DNTT: variants seen among roughly 807,000 people sequenced by gnomAD.
The protein encoded by DNTT is DNA nucleotidylexotransferase, also known as nucleosidetriphosphate:DNA deoxynucleotidylexotransferase.
DNTT carries 47 observed loss-of-function variants against 60.9 expected under a neutral mutation model. That is an observed-to-expected ratio of 0.77 (90% CI 0.61 to 0.98). DNTT has a LOEUF of 0.98. Among genes scored for constraint, DNTT ranks in the 50% least tolerant of loss-of-function variants. The pLI, the probability that DNTT is intolerant of heterozygous loss-of-function variation, is 0.00. For synonymous variants in DNTT, 224 were observed against 221.2 expected (o/e 1.01, Z -0.11); for missense variants, 665 against 627.5 (o/e 1.06, Z -0.64).
chr10:96,311,356 C>A lies in DNTT; in HGVS notation c.203+6656C>A, dbSNP rs547390958. On this transcript the variant is annotated intron_variant, in intron 1 of 10. Transcript: ENST00000371174. ...GACCATCCATGAGGATCCAGAAAGT[C>A]AGACAGAGGGTGGGAAGGAGTCTAT... is the stretch of plus-strand genomic sequence containing the variant. Among the ~76,000 whole-genome samples, 257 of 152,316 alleles carry A rather than the reference C, an allele frequency of 1.7e-3. 1 individual carries two copies. Among genetic ancestry groups the A allele is most frequent in the Non-Finnish European group, 2.7e-3 (183 of 68,016 alleles).
chr10:96,314,335 A>G (rs1378423164), intron 1 of DNTT, among the ~76,000 whole-genome samples: 4 of 150,000 alleles, frequency 2.7e-5, no homozygotes, highest in African/African-American at 9.8e-5. Context: ...CATAGGATCA[A>G]ATCCCTGCTC....
intron 10 of DNTT, among the ~76,000 whole-genome samples, chr10:96,337,350 G>A (rs10786280): frequency 0.68 from 102,729 of 152,054 alleles, 37,647 homozygotes; most frequent in Non-Finnish European, 0.82. Flanking sequence ...TTGGAATTGG[G>A]AGCAGCTGCA....
In DNTT at chr10:96,304,709, G is replaced by A. The variant is rs112349556; in HGVS notation, c.203+9G>A. 1.9e-3 allele frequency: 3,069 copies of A among 1,611,930 alleles called. 54 individuals carry two copies. The African/African-American group carries it at 0.038, about 20-fold the overall frequency. Reference sequence around the variant, plus strand: ...GTTGAAAATGAGCTCAGGTAGGACAGCATCGATCTTGCTTTGTAAATAAGC... The same window carrying A: ...GTTGAAAATGAGCTCAGGTAGGACAACATCGATCTTGCTTTGTAAATAAGC... On this transcript the variant is annotated intron_variant, in intron 1 of 10. Transcript: ENST00000371174.
At position 96,324,381 on chromosome 10, in the gene DNTT, A is replaced by T; in HGVS notation, c.866A>T (p.Gln289Leu). ...SDKSLKFTRM[Q>L]KAGFLYYEDL... ...AAAAGCCTGAAATTTACACGAATGC[A>T]GAAAGCAGGTAAATTGTCTCTCCTA... Residue 289 changes from glutamine (Q) to leucine (L), a missense_variant, in exon 6 of 11, where the codon CAG (glutamine) becomes CTG (leucine). Physicochemically the swap from Gln to Leu is moderately radical, Grantham distance 113. Coordinates refer to ENST00000371174, the MANE Select transcript of DNTT (RefSeq NM_004088.4). 1 of 1,613,798 alleles carries T rather than the reference A, an allele frequency of 6.2e-7. No individual in the cohort carries two copies. Among genetic ancestry groups the T allele is most frequent in the South Asian group, 1.1e-5 (1 of 91,044 alleles).
chr10:96,337,863 A>C (rs990621567), intron 10 of DNTT, among the ~76,000 whole-genome samples: 7 of 152,224 alleles, frequency 4.6e-5, no homozygotes, highest in African/African-American at 1.7e-4. Context: ...GGTTGTTCTA[A>C]TAAACAGCTG....
rs1388619061 is a variant in DNTT at position 96,320,596 on chromosome 10, C to T, written c.508-22C>T. ...CAGGGGCTTGGAAGCAAATCTCCTGCTTATCTGGTTTTATCCTGCAGGATG... is the reference window on the plus strand; with the variant it reads ...CAGGGGCTTGGAAGCAAATCTCCTGTTTATCTGGTTTTATCCTGCAGGATG... On this transcript the variant is annotated intron_variant, in intron 3 of 10. Transcript: ENST00000371174. 1.9e-6 allele frequency: 3 copies of T among 1,611,122 alleles called. No homozygotes were observed. The African/African-American group carries it at 4.0e-5, about 22-fold the overall frequency.
At chr10:96,314,367 G>A (rs946607049) in intron 1 of DNTT, among the ~76,000 whole-genome samples, 1 of 135,238 alleles carries the variant, frequency 7.4e-6, no homozygotes, top group Non-Finnish European at 1.6e-5. Context: ...TATTCGCTGG[G>A]TGAAATTTTT....
intron 1 of DNTT, among the ~76,000 whole-genome samples, chr10:96,305,213 T>C (rs1450552227): frequency 7.2e-5 from 11 of 152,148 alleles, no homozygotes; most frequent in Non-Finnish European, 1.6e-4. Context: ...ACCACATTTT[T>C]CCAAAGAGTG....
intron 1 of DNTT, among the ~76,000 whole-genome samples, chr10:96,306,985 C>T (rs1844646350): frequency 6.6e-6 from 1 of 152,196 alleles, no homozygotes. Context: ...CTCTGAGCCT[C>T]CCCAGCCATG....
intron 10 of DNTT, among the ~76,000 whole-genome samples, chr10:96,337,403 T>C (rs1196878656): frequency 6.6e-6 from 1 of 152,156 alleles, no homozygotes; most frequent in African/African-American, 2.4e-5. Context: ...TGGTTTCCCA[T>C]AGAAAAATCC....
intron 1 of DNTT, among the ~76,000 whole-genome samples, chr10:96,312,320 G>A (rs780259662): frequency 9.9e-5 from 15 of 152,246 alleles, no homozygotes; most frequent in African/African-American, 2.4e-4. Flanking sequence ...CAATTTCCCC[G>A]TCCTTTGCAT....
chr10:96,305,767 T>A (rs1332573177), intron 1 of DNTT, among the ~76,000 whole-genome samples: 1 of 152,206 alleles, frequency 6.6e-6, no homozygotes, highest in Admixed American at 6.5e-5. Flanking sequence ...AAAAGTCAAT[T>A]TTCAGATATG....
chr10:96,329,877 A>C (rs931495332), intron 8 of DNTT, among the ~76,000 whole-genome samples: 3 of 152,170 alleles, frequency 2.0e-5, no homozygotes, highest in Non-Finnish European at 4.4e-5. Flanking sequence ...GGTCAAGCTG[A>C]GTGCATCTCC....
intron 1 of DNTT, among the ~76,000 whole-genome samples, chr10:96,314,985 T>C (rs1015472507): frequency 5.3e-5 from 8 of 152,194 alleles, no homozygotes; most frequent in Admixed American, 2.0e-4. Context: ...CGGTAAGGGC[T>C]CGGAGCTGAA....
intron 10 of DNTT, among the ~76,000 whole-genome samples, 182 bp downstream of exon 10, chr10:96,336,156 G>C (rs923696451): frequency 6.6e-6 from 1 of 152,132 alleles, no homozygotes; most frequent in Non-Finnish European, 1.5e-5. Flanking sequence ...GTTTCCACCC[G>C]GCCCAGAATG....
At chr10:96,313,213 G>A (rs948312102) in intron 1 of DNTT, among the ~76,000 whole-genome samples, 2 of 152,146 alleles carry the variant, frequency 1.3e-5, no homozygotes, top group African/African-American at 4.8e-5. Context: ...CTGATATTTT[G>A]GAAATAGCCA....
intron 5 of DNTT, 77 bp from the exon 6 acceptor site, chr10:96,324,189 G>C: frequency 1.3e-6 from 2 of 1,508,246 alleles, no homozygotes; most frequent in Non-Finnish European, 1.8e-6. Flanking sequence ...CATTGCCTGA[G>C]ACCTAGAAAG....
chr10:96,314,095 C>G (rs1844754644), intron 1 of DNTT, among the ~76,000 whole-genome samples: 1 of 152,162 alleles, frequency 6.6e-6, no homozygotes, highest in Non-Finnish European at 1.5e-5. Context: ...CATAAAATAG[C>G]AAAACACAAA....
At chr10:96,318,318 G>A in intron 1 of DNTT, 34 bp from the exon 2 acceptor site, 1 of 1,583,238 alleles carries the variant, frequency 6.3e-7, no homozygotes, top group East Asian at 2.3e-5. Context: ...TTTGAAAGAT[G>A]TTTCAGCTGG....
Sources: allele counts gnomAD v4.1 joint callset (sites outside exome capture counted in the v4.1 genomes callset), GRCh38; gene constraint gnomAD v4.1.1; transcripts MANE v1.5; gene names NCBI Gene and HGNC (gene_info 2026-07-23, HGNC 2026-07-21).